The following RSPO1 variants were observed in gnomAD, a reference collection of about 807,000 sequenced individuals.
The protein encoded by RSPO1 is R-spondin-1.
In RSPO1, 18 loss-of-function variants were observed where a neutral mutation model predicts 26.0. The ratio of observed to expected loss-of-function variants is 0.69; its 90% CI spans 0.48 to 1.03. The LOEUF (loss-of-function observed/expected upper bound fraction) is 1.03, where lower values mean the gene tolerates loss of function less well. RSPO1 is among the 50% of genes least tolerant of loss of function. The probability of loss-of-function intolerance (pLI) is 0.00; values close to 1 mark genes in which losing one functional copy is unlikely to be tolerated. For missense variants in RSPO1, 309 were observed against 352.3 expected, an observed-to-expected ratio of 0.88 and a Z score of 0.98; for synonymous variants, 133 against 137.4, an observed-to-expected ratio of 0.97 and a Z score of 0.22.
intron 3 of RSPO1, among the ~76,000 whole-genome samples, chr1:37,617,298 G>A (rs1031934369): frequency 3.9e-5 from 6 of 152,048 alleles, no homozygotes; most frequent in Admixed American, 6.6e-5. Flanking sequence ...ACAATGCATC[G>A]GGCACAGCAA....
chr1:37,631,196 AG>A (rs1159764008), intron 2 of RSPO1, among the ~76,000 whole-genome samples: 1 of 152,150 alleles, frequency 6.6e-6, no homozygotes, highest in Non-Finnish European at 1.5e-5. Flanking sequence ...TTATCCCCTA[AG>A]GGAGTTCAGT....
chr1:37,631,276 A>G (rs1341918858), intron 2 of RSPO1, among the ~76,000 whole-genome samples: 1 of 152,196 alleles, frequency 6.6e-6, no homozygotes, highest in African/African-American at 2.4e-5. Context: ...GCTGCCTGTG[A>G]GAAGTGTTTA....
chr1:37,614,412 C>T (rs1461966939), intron 4 of RSPO1, 79 bp from the exon 5 acceptor site: 64 of 1,534,702 alleles, frequency 4.2e-5, no homozygotes, highest in Non-Finnish European at 1.6e-5. Context: ...CAATACCCTC[C>T]CTTCTGTCCA....
chr1:37,620,732 G>A (rs954450446), intron 3 of RSPO1, among the ~76,000 whole-genome samples: 8 of 151,784 alleles, frequency 5.3e-5, no homozygotes, highest in East Asian at 1.9e-4. Flanking sequence ...CTCCAAATGC[G>A]GCATTGAAGT....
At chr1:37,630,210 C>T (rs1015553351) in intron 2 of RSPO1, among the ~76,000 whole-genome samples, 16 of 152,234 alleles carry the variant, frequency 1.1e-4, no homozygotes, top group African/African-American at 1.7e-4. Flanking sequence ...TTCTCAATAA[C>T]GGGAGCCAGC....
chr1:37,618,651 A>G (rs1272701432), intron 3 of RSPO1, among the ~76,000 whole-genome samples: 3 of 152,198 alleles, frequency 2.0e-5, no homozygotes, highest in African/African-American at 7.2e-5. Flanking sequence ...TGCTTAGGAA[A>G]TGCAACCAGT....
chr1:37,634,584 G>C lies in RSPO1; in HGVS notation c.-374C>G, dbSNP rs912655975. On this transcript the variant is annotated 5_prime_UTR_variant, in exon 1 of 7. Coordinates refer to ENST00000356545, the MANE Select transcript of RSPO1 (RefSeq NM_001242908.2). This position sits in a 1 kb window ranked among gnomAD's most constrained non-coding sequence, Gnocchi z 4.7. ...GACTCACCTTCGTGCTGCCAGTCGC[G>C]ACGGGGGCAGGCCCGGGAGGGGCGA... is the stretch of plus-strand genomic sequence containing the variant. 1 of 152,320 alleles carries C rather than the reference G, an allele frequency of 6.6e-6. No individual in the cohort carries two copies. Among genetic ancestry groups the C allele is most frequent in the Non-Finnish European group, 1.5e-5 (1 of 68,126 alleles). The allele number at this position is 152,320 out of a possible 1,614,324, so 9.4% of individuals were successfully genotyped here. A position where few individuals can be genotyped will look rare whatever the true frequency, so the allele number is the denominator to read the frequency against.
intron 3 of RSPO1, among the ~76,000 whole-genome samples, chr1:37,623,716 G>C (rs1053173489): frequency 2.0e-5 from 3 of 147,090 alleles, no homozygotes; most frequent in African/African-American, 7.5e-5. Context: ...CACCTCAAAA[G>C]GAAAAAAAAA....
Position 37,613,244 on chromosome 1 carries a change from G to A in RSPO1, c.626-323C>T, listed in dbSNP as rs565717334. 2.0e-5 allele frequency among the ~76,000 whole-genome samples: 3 copies of A among 152,310 alleles called. No homozygotes were observed. The highest frequency in any genetic ancestry group is 4.1e-4 in the South Asian group (2 of 4,828). On this transcript the variant is annotated intron_variant, in intron 6 of 6. Coordinates refer to ENST00000356545, the MANE Select transcript of RSPO1 (RefSeq NM_001242908.2). This position sits in a 1 kb window ranked among gnomAD's most constrained non-coding sequence, Gnocchi z 4.5. ...ACCAAGAGCACTTCCCAGGTATTCA[G>A]TGCAACTCTCAGAACAGGCAGGACT...
chr1:37,621,584 G>C (rs1244633892), intron 3 of RSPO1, among the ~76,000 whole-genome samples: 1 of 152,090 alleles, frequency 6.6e-6, no homozygotes, highest in Non-Finnish European at 1.5e-5. Context: ...CCTTCCCTGG[G>C]AGAGGGACCA....
At chr1:37,627,295 C>T (rs116685741) in intron 3 of RSPO1, among the ~76,000 whole-genome samples, 2,100 of 152,190 alleles carry the variant, frequency 0.014, 19 homozygotes, top group Non-Finnish European at 0.021. Flanking sequence ...TCTTCCCTTC[C>T]CTACTCCCCC....
At position 37,629,756 on chromosome 1, in the gene RSPO1, G is replaced by A. The variant is rs535641872; in HGVS notation, c.-95C>T. 30 of 1,562,576 alleles carry A rather than the reference G, an allele frequency of 1.9e-5. No individual in the cohort carries two copies. The South Asian group carries it at 3.5e-4, about 18-fold the overall frequency. ...TGCTAACACCTCTGGGGCTGGGTCA[G>A]CAGCAGGAGGCCCAGGCCTGGGCCG... On this transcript the variant is annotated 5_prime_UTR_variant, in exon 3 of 7. Transcript: ENST00000356545.
chr1:37,613,790 A>G lies in RSPO1; in HGVS notation c.539T>C (p.Leu180Pro). ...RGSEERTRRV[L>P]HAPVGDHAAC... is the part of the protein sequence containing the mutation. ...AGCATGGTCCCCCACAGGGGCATGT[A>G]GCACCCTGCGTGTCCGCTCCTCGGA... Residue 180 changes from leucine to proline, a missense_variant, in exon 6 of 7, where the codon CTA becomes CCA. Leu to Pro is a moderately conservative substitution (Grantham distance 98). Coordinates refer to ENST00000356545, the MANE Select transcript of RSPO1 (RefSeq NM_001242908.2). The surrounding 1 kb of genome is among the most constrained non-coding windows in gnomAD (Gnocchi z 4.5). 6.2e-7 allele frequency: 1 copy of G among 1,613,996 alleles called. No homozygotes were observed. Among genetic ancestry groups the G allele is most frequent in the Non-Finnish European group, 8.5e-7 (1 of 1,179,988 alleles).
At chr1:37,616,153 G>A (rs1644108154) in intron 4 of RSPO1, among the ~76,000 whole-genome samples, 1 of 152,292 alleles carries the variant, frequency 6.6e-6, no homozygotes, top group South Asian at 2.1e-4. Context: ...CAGTGGCAGT[G>A]TGGACATACA....
In RSPO1 at chr1:37,623,917, A is replaced by G. The variant is rs543263384; in HGVS notation, c.94+5651T>C. ...TGGGATTACAGGCATGCACCACCAC[A>G]CCCAGCTGATTTTTTTGTATCTTTA... On this transcript the variant is annotated intron_variant, in intron 3 of 6. Coordinates refer to ENST00000356545, the MANE Select transcript of RSPO1 (RefSeq NM_001242908.2). Among the ~76,000 whole-genome samples, 576 of 151,268 alleles carry G rather than the reference A, an allele frequency of 3.8e-3. 2 individuals are homozygous for G. The highest frequency in any genetic ancestry group is 0.013 in the African/African-American group (543 of 41,178).
chr1:37,620,629 A>AAATAACAAT (rs1553121126), intron 3 of RSPO1, among the ~76,000 whole-genome samples: 1 of 146,072 alleles, frequency 6.8e-6, no homozygotes, highest in Non-Finnish European at 1.5e-5. Context: ...CTCTGTCTCA[A>AAATAACAAT]AATAATAATA....
intron 4 of RSPO1, among the ~76,000 whole-genome samples, chr1:37,615,857 C>T (rs1003366202): frequency 6.6e-6 from 1 of 152,122 alleles, no homozygotes; most frequent in Non-Finnish European, 1.5e-5. Flanking sequence ...GGCTTGGATT[C>T]CCCTGCAGCC....
At position 37,621,755 on chromosome 1, in the gene RSPO1, G is replaced by A. The variant is rs142239438; in HGVS notation, c.95-5080C>T. Among the ~76,000 whole-genome samples, 846 of 151,822 alleles carry A rather than the reference G, an allele frequency of 5.6e-3. 6 individuals carry two copies. The highest frequency in any genetic ancestry group is 0.02 in the African/African-American group (820 of 41,372). On this transcript the variant is annotated intron_variant, in intron 3 of 6. Coordinates refer to ENST00000356545, the MANE Select transcript of RSPO1 (RefSeq NM_001242908.2). ...AACTATTTTGGCTGGAGATTGAGAC[G>A]CTGAGTTCTTTTTTCTTTTTTCTTT...
chr1:37,614,479 A>C, intron 4 of RSPO1, 146 bp from the exon 5 acceptor site: 1 of 890,446 alleles, frequency 1.1e-6, no homozygotes, highest in East Asian at 2.6e-5. Flanking sequence ...CTGCAGAGGA[A>C]TCTTGGGAGG....
Sources: gnomAD v4.1 joint callset for allele counts (sites outside exome capture counted in the v4.1 genomes callset) on GRCh38, gnomAD v4.1.1 for gene constraint, Gnocchi (gnomAD v3.1) non-coding constraint, MANE v1.5 for transcripts, NCBI Gene and HGNC (gene_info 2026-07-23, HGNC 2026-07-21) for gene names.